Variants in USP8 observed in about 807,000 individuals in gnomAD.
The protein encoded by USP8 is ubiquitin carboxyl-terminal hydrolase 8.
USP8 carries 27 observed loss-of-function variants against 130.0 expected under a neutral mutation model. That is an observed-to-expected ratio of 0.21 (90% CI 0.15 to 0.29). USP8 has a LOEUF of 0.29. USP8 is among the 10% of genes least tolerant of loss of function. The pLI is 1.00. For missense variants in USP8, 1,029 were observed against 1,312.2 expected (o/e 0.78, Z 3.33); for synonymous variants, 392 against 444.1 (o/e 0.88, Z 1.48).
At position 50,514,381 on chromosome 15, in the gene USP8, T is replaced by C. The variant is rs1427373281; in HGVS notation, c.*15293T>C. The stretch of plus-strand genomic sequence containing the variant: ...TATCCTCATGGTTTGTGTACTTTTC[T>C]GTATATATGTTTCACTTCAATAAAG... On this transcript the variant is annotated 3_prime_UTR_variant, in exon 20 of 20. Transcript: ENST00000307179. The C allele has an allele frequency of 6.6e-6, 1 of 152,196 alleles. No homozygotes were observed. Among genetic ancestry groups the C allele is most frequent in the Non-Finnish European group, 1.5e-5 (1 of 68,034 alleles). 9.4% of individuals were successfully genotyped at this position (152,196 alleles called of 1,614,324 possible).
Position 50,514,129 on chromosome 15 carries a change from C to T in USP8, c.*15041C>T, listed in dbSNP as rs2052775079. 6.6e-6 allele frequency: 1 copy of T among 152,082 alleles called. No individual in the cohort carries two copies. Among genetic ancestry groups the T allele is most frequent in the African/African-American group, 2.4e-5 (1 of 41,398 alleles). The allele number at this position is 152,082 out of a possible 1,614,324, so 9.4% of individuals were successfully genotyped here. A position where few individuals can be genotyped will look rare whatever the true frequency, so the allele number is the denominator to read the frequency against. ...TAAACAACAATATGGATGAACATTA[C>T]ATAATTTTGAATGAAAGGAGCCAGA... is the stretch of plus-strand genomic sequence containing the variant. On this transcript the variant is annotated 3_prime_UTR_variant, in exon 20 of 20. Coordinates refer to ENST00000307179, the MANE Select transcript of USP8 (RefSeq NM_005154.5).
chr15:50,462,483 CTG>C (rs1360982960), intron 6 of USP8, among the ~76,000 whole-genome samples, 161 bp downstream of exon 6: 35 of 152,216 alleles, frequency 2.3e-4, no homozygotes, highest in African/African-American at 7.9e-4. Flanking sequence ...TTGAAAATGT[CTG>C]AGGTTATTTT....
intron 7 of USP8, chr15:50,466,850 T>C (rs1478377600): frequency 2.7e-5 from 10 of 364,540 alleles, no homozygotes; most frequent in Admixed American, 2.3e-4. Flanking sequence ...AGGTGTGTGC[T>C]GACTTGATCA....
At chr15:50,457,137 AT>A (rs904446107) in intron 4 of USP8, among the ~76,000 whole-genome samples, 2 of 152,230 alleles carry the variant, frequency 1.3e-5, no homozygotes, top group Admixed American at 6.5e-5. Flanking sequence ...TTCAGAAGTC[AT>A]TTTTAAAGTA....
intron 1 of USP8, among the ~76,000 whole-genome samples, chr15:50,435,781 G>A (rs866780872): frequency 3.9e-5 from 6 of 152,162 alleles, no homozygotes; most frequent in African/African-American, 1.4e-4. Context: ...TATTTGAACT[G>A]TTTCCAAAAA....
chr15:50,435,273 G>A (rs2414043), intron 1 of USP8, among the ~76,000 whole-genome samples: 151,491 of 152,332 alleles, frequency 0.99, 75,331 homozygotes, highest in Non-Finnish European at 1. Flanking sequence ...GGCCGATTGG[G>A]AATATTTTAA....
chr15:50,449,710 T>G (rs578182009), intron 4 of USP8, among the ~76,000 whole-genome samples: 14 of 151,072 alleles, frequency 9.3e-5, no homozygotes, highest in African/African-American at 3.4e-4. Flanking sequence ...ACCTCCCAAG[T>G]AGCTGGGACT....
chr15:50,451,236 C>T (rs982991167), intron 4 of USP8, among the ~76,000 whole-genome samples: 5 of 152,012 alleles, frequency 3.3e-5, no homozygotes, highest in Admixed American at 6.6e-5. Flanking sequence ...GGTAAAGCCC[C>T]GTCTCTACTG....
chr15:50,499,031 A>G lies in USP8; in HGVS notation c.3300A>G (p.Ala1100=). The G allele has an allele frequency of 1.2e-6, 2 of 1,613,928 alleles. No homozygotes were observed. Among genetic ancestry groups the G allele is most frequent in the South Asian group, 2.2e-5 (2 of 91,060 alleles). ...DISVSSVKSS[A]AYILFYTSLG... is the part of the protein sequence containing the mutation. ...CCGTTTCTTCTGTGAAATCTTCAGC[A>G]GCTTATATCCTCTTTTATACTTCAT... The change falls in exon 20 of 20, where the codon GCA becomes GCG. Residue 1100 remains alanine (A), a synonymous_variant. Transcript: ENST00000307179.
At chr15:50,425,224 G>A (rs1332926386) in intron 1 of USP8, among the ~76,000 whole-genome samples, 4 of 152,206 alleles carry the variant, frequency 2.6e-5, no homozygotes, top group African/African-American at 4.8e-5. Context: ...GTGTTGCAGA[G>A]CCTAAGGAAT....
In USP8 at chr15:50,480,084, A is replaced by G. The variant is rs2051711527; in HGVS notation, c.1219-1397A>G. The stretch of plus-strand genomic sequence containing the variant: ...CAACTTCTTTTATTTTCTAGTAGAA[A>G]AACATAAATTCGTTTTGTAAGAACA... On this transcript the variant is annotated intron_variant, in intron 10 of 19. Coordinates refer to ENST00000307179, the MANE Select transcript of USP8 (RefSeq NM_005154.5). 2.0e-5 allele frequency among the ~76,000 whole-genome samples: 3 copies of G among 152,140 alleles called. No homozygotes were observed. In the South Asian group the frequency reaches 6.2e-4, roughly 32 times the overall value.
intron 8 of USP8, among the ~76,000 whole-genome samples, chr15:50,473,146 C>T (rs114294053): frequency 0.011 from 1,732 of 152,074 alleles, 31 homozygotes; most frequent in African/African-American, 0.04. Flanking sequence ...CATATTAAAA[C>T]GAGTGCCATT....
chr15:50,481,573 T>G lies in USP8; in HGVS notation c.1311T>G (p.Ser437Arg). The change falls in exon 11 of 20, where the codon AGT (serine) becomes AGG (arginine). Residue 437 changes from serine to arginine, a missense_variant. By Grantham distance (110) the Ser-to-Arg change is moderately radical. Around this residue, in one of 4 missense-constraint regions of USP8, gnomAD observed 486 missense variants for 522.0 expected, o/e 0.93. Coordinates refer to ENST00000307179, the MANE Select transcript of USP8 (RefSeq NM_005154.5). ...ACCATGAGCAACAATCTCCTCAGAGTGGAAAAGTTATTCCTGATCGTTCCA... is the reference window on the plus strand; with the variant it reads ...ACCATGAGCAACAATCTCCTCAGAGGGGAAAAGTTATTCCTGATCGTTCCA... ...STNHEQQSPQ[S>R]GKVIPDRSTK... 1 of 1,613,788 alleles carries G rather than the reference T, an allele frequency of 6.2e-7. No individual in the cohort carries two copies. Among genetic ancestry groups the G allele is most frequent in the Non-Finnish European group, 8.5e-7 (1 of 1,179,928 alleles).
intron 8 of USP8, among the ~76,000 whole-genome samples, chr15:50,475,285 A>G (rs1293411115): frequency 6.6e-6 from 1 of 152,196 alleles, no homozygotes; most frequent in Non-Finnish European, 1.5e-5. Flanking sequence ...ACAATTATTA[A>G]ATAGTTAAGT....
intron 6 of USP8, among the ~76,000 whole-genome samples, chr15:50,464,037 G>GA (rs1314058924): frequency 2.0e-5 from 3 of 152,116 alleles, no homozygotes; most frequent in Non-Finnish European, 4.4e-5. Context: ...ACATCAAGTA[G>GA]AATGACAATT....
chr15:50,451,049 T>A (rs530389669), intron 4 of USP8, among the ~76,000 whole-genome samples: 2 of 152,174 alleles, frequency 1.3e-5, no homozygotes, highest in South Asian at 4.2e-4. Context: ...TTAACCAGGG[T>A]GACATATTTC....
At position 50,507,666 on chromosome 15, in the gene USP8, A is replaced by G. The variant is rs1203889950; in HGVS notation, c.*8578A>G. ...GTCTACCATCATAATGGAAGATTTC[A>G]ACTATTGATCAAGCAGACAAAAATA... On this transcript the variant is annotated 3_prime_UTR_variant, in exon 20 of 20. Transcript: ENST00000307179. The G allele has an allele frequency of 6.6e-6, 1 of 152,214 alleles. No individual in the cohort carries two copies. Among genetic ancestry groups the G allele is most frequent in the Non-Finnish European group, 1.5e-5 (1 of 68,028 alleles). The allele number at this position is 152,214 out of a possible 1,614,324, so 9.4% of individuals were successfully genotyped here. A position where few individuals can be genotyped will look rare whatever the true frequency, so the allele number is the denominator to read the frequency against.
At chr15:50,439,552 G>A (rs1236489885) in intron 2 of USP8, among the ~76,000 whole-genome samples, 1 of 152,120 alleles carries the variant, frequency 6.6e-6, no homozygotes, top group African/African-American at 2.4e-5. Context: ...ACTTTGGGAG[G>A]CCAAGGTGGG....
At chr15:50,472,844 A>T (rs1167716172) in intron 8 of USP8, among the ~76,000 whole-genome samples, 1 of 152,134 alleles carries the variant, frequency 6.6e-6, no homozygotes, top group African/African-American at 2.4e-5. Flanking sequence ...CGGGAGGTGG[A>T]GGTTGCGGTC....
Sources: gnomAD v4.1 joint callset for allele counts (sites outside exome capture counted in the v4.1 genomes callset) on GRCh38, gnomAD v4.1.1 for gene constraint, gnomAD v4.1.1 regional missense constraint, MANE v1.5 for transcripts, NCBI Gene and HGNC (gene_info 2026-07-23, HGNC 2026-07-21) for gene names.